Variants in SLC16A2 observed in about 807,000 individuals in gnomAD.
SLC16A2 encodes the protein monocarboxylate transporter 8.
SLC16A2 carries 3 observed loss-of-function variants against 27.2 expected under a neutral mutation model. The observed-to-expected ratio is 0.11, with a 90% CI of 0.05 to 0.28. The LOEUF is 0.28. Among genes scored for constraint, SLC16A2 ranks in the 10% least tolerant of loss-of-function variants. The pLI, the probability that SLC16A2 is intolerant of heterozygous loss-of-function variation, is 1.00. For missense variants in SLC16A2, 295 were observed against 458.5 expected (o/e 0.64, Z 3.26); for synonymous variants, 202 against 187.8 (o/e 1.08, Z -0.62).
In SLC16A2 at chrX:74,531,614, C is replaced by A; in HGVS notation, c.*61C>A. The A allele has an allele frequency of 2.1e-6, 2 of 960,510 alleles. No homozygotes were observed. Among genetic ancestry groups the A allele is most frequent in the Non-Finnish European group, 3.0e-6 (2 of 668,405 alleles). 79.2% of individuals were successfully genotyped at this position (960,510 alleles called of 1,213,427 possible). On this transcript the variant is annotated 3_prime_UTR_variant, in exon 6 of 6. Transcript: ENST00000587091. ...TTCCCCTTCATCCCACCCTGCTCAG[C>A]ATTTACATTTTTGCCACCAGCACAC... is the stretch of plus-strand genomic sequence containing the variant.
intron 1 of SLC16A2, among the ~76,000 whole-genome samples, chrX:74,440,821 T>TGC (rs1238082716): frequency 7.4e-4 from 82 of 110,602 alleles, no homozygotes; most frequent in African/African-American, 2.6e-3. Flanking sequence ...TGTGTGTGTG[T>TGC]GCACGCGCAT....
intron 1 of SLC16A2, among the ~76,000 whole-genome samples, chrX:74,454,489 AC>A (rs1929005232): frequency 9.3e-6 from 1 of 107,883 alleles, no homozygotes; most frequent in Non-Finnish European, 1.9e-5. Flanking sequence ...AAAAAACCAA[AC>A]ATGGCATGTT....
At chrX:74,436,281 T>C (rs1602106143) in intron 1 of SLC16A2, among the ~76,000 whole-genome samples, 1 of 111,878 alleles carries the variant, frequency 8.9e-6, no homozygotes, top group African/African-American at 3.3e-5. Context: ...CAGATTGTAA[T>C]ATGCTGAGTC....
chrX:74,507,063 C>T (rs141213573), intron 1 of SLC16A2, among the ~76,000 whole-genome samples: 5 of 108,543 alleles, frequency 4.6e-5, no homozygotes, highest in South Asian at 4.0e-4. Flanking sequence ...CCGCTCCCCC[C>T]CCAACCACAA....
intron 1 of SLC16A2, among the ~76,000 whole-genome samples, chrX:74,455,757 G>A (rs1390222435): frequency 2.7e-5 from 3 of 111,755 alleles, no homozygotes; most frequent in African/African-American, 9.8e-5. Context: ...GTATGTGCAG[G>A]AGTATAGTGT....
intron 1 of SLC16A2, among the ~76,000 whole-genome samples, chrX:74,435,694 T>TG (rs1327697966): frequency 7.4e-5 from 8 of 107,438 alleles, no homozygotes; most frequent in African/African-American, 1.7e-4. Context: ...TTTAAGTGTA[T>TG]GGGTAAGAAG....
At chrX:74,482,595 A>G (rs185322163) in intron 1 of SLC16A2, among the ~76,000 whole-genome samples, 46 of 111,294 alleles carry the variant, frequency 4.1e-4, no homozygotes, top group Admixed American at 2.1e-3. Flanking sequence ...TCTTCTATGA[A>G]TTTTTTTGTT....
chrX:74,421,917 C>A lies in SLC16A2; in HGVS notation c.280C>A (p.Pro94Thr). 1 of 1,211,082 alleles carries A rather than the reference C, an allele frequency of 8.3e-7. No homozygotes were observed. Among genetic ancestry groups the A allele is most frequent in the Non-Finnish European group, 1.1e-6 (1 of 895,312 alleles). Reference sequence around the variant, plus strand: ...CCGCGGCACCGCGCGCGGCTTCCAGCCTCCCGAAGGTGGCTTCGGCTGGGT... The same window carrying A: ...CCGCGGCACCGCGCGCGGCTTCCAGACTCCCGAAGGTGGCTTCGGCTGGGT... ...ETRGTARGFQPPEGGFGWVVV... is the reference protein window; with the variant it reads ...ETRGTARGFQTPEGGFGWVVV... Residue 94 changes from proline (P) to threonine (T), a missense_variant, in exon 1 of 6, where the codon CCT becomes ACT. Pro to Thr is a conservative substitution (Grantham distance 38). Transcript: ENST00000587091.
intron 1 of SLC16A2, among the ~76,000 whole-genome samples, chrX:74,434,808 CTTAG>C (rs1928592739): frequency 9.6e-6 from 1 of 104,635 alleles, no homozygotes; most frequent in Non-Finnish European, 1.9e-5. Context: ...TAGTTTACAT[CTTAG>C]TTTGTTTTTT....
At chrX:74,505,536 C>T (rs1930109320) in intron 1 of SLC16A2, among the ~76,000 whole-genome samples, 1 of 112,295 alleles carries the variant, frequency 8.9e-6, no homozygotes, top group Admixed American at 9.4e-5. Flanking sequence ...GAGGCAGGAA[C>T]ATGGCCTAAG....
At chrX:74,463,112 T>A (rs1022599780) in intron 1 of SLC16A2, among the ~76,000 whole-genome samples, 1 of 111,270 alleles carries the variant, frequency 9.0e-6, no homozygotes, top group Non-Finnish European at 1.9e-5. Context: ...CAGGGACTAC[T>A]GCAGAGGGAG....
intron 1 of SLC16A2, among the ~76,000 whole-genome samples, chrX:74,431,802 GTTA>G (rs944550650): frequency 1.8e-4 from 20 of 111,339 alleles, no homozygotes; most frequent in African/African-American, 6.5e-4. Flanking sequence ...TGAAGTGGTT[GTTA>G]TTATTATTAT....
intron 1 of SLC16A2, among the ~76,000 whole-genome samples, chrX:74,474,786 A>G (rs1172771370): frequency 2.7e-5 from 3 of 110,496 alleles, no homozygotes; most frequent in African/African-American, 6.6e-5. Flanking sequence ...AGCTTCATCC[A>G]TGTCCCTACA....
At chrX:74,446,979 A>T (rs1928848602) in intron 1 of SLC16A2, among the ~76,000 whole-genome samples, 1 of 112,330 alleles carries the variant, frequency 8.9e-6, no homozygotes, top group South Asian at 3.7e-4. Flanking sequence ...TCCTGCCTCC[A>T]GCCATGCCAG....
chrX:74,476,196 C>T (rs1402690598), intron 1 of SLC16A2, among the ~76,000 whole-genome samples: 3 of 111,929 alleles, frequency 2.7e-5, no homozygotes, highest in Non-Finnish European at 5.6e-5. Context: ...AGGTCCTTCA[C>T]ATCCCTTGTA....
At chrX:74,440,360 G>A (rs1928719390) in intron 1 of SLC16A2, among the ~76,000 whole-genome samples, 1 of 110,766 alleles carries the variant, frequency 9.0e-6, no homozygotes, top group African/African-American at 3.3e-5. Context: ...AACTATAAGG[G>A]CTCCTCACAA....
In SLC16A2 at chrX:74,520,603, G is replaced by A. The variant is rs557674045; in HGVS notation, c.431-387G>A. Among the ~76,000 whole-genome samples the A allele has an allele frequency of 3.6e-4, 40 of 111,749 alleles. No individual in the cohort carries two copies. The South Asian group carries it at 0.015, about 42-fold the overall frequency. On this transcript the variant is annotated intron_variant, in intron 1 of 5. Coordinates refer to ENST00000587091, the MANE Select transcript of SLC16A2 (RefSeq NM_006517.5). Reference sequence around the variant, plus strand: ...GTACAATTCCAGGGGGCTTTTGTCTGTGGCCTTCTCTACTCCTTAGTCTTA... The same window carrying A: ...GTACAATTCCAGGGGGCTTTTGTCTATGGCCTTCTCTACTCCTTAGTCTTA...
chrX:74,514,965 G>A (rs904999759), intron 1 of SLC16A2, among the ~76,000 whole-genome samples: 1 of 111,707 alleles, frequency 9.0e-6, no homozygotes, highest in African/African-American at 3.3e-5. Flanking sequence ...AAGATCCAGA[G>A]TCTCATATCT....
chrX:74,427,991 C>T (rs182510413), intron 1 of SLC16A2, among the ~76,000 whole-genome samples: 43 of 111,217 alleles, frequency 3.9e-4, no homozygotes, highest in Non-Finnish European at 7.4e-4. Context: ...GCTTGCTAGG[C>T]GAGAGTGATG....
Sources: allele counts gnomAD v4.1 joint callset (sites outside exome capture counted in the v4.1 genomes callset), GRCh38; gene constraint gnomAD v4.1.1; transcripts MANE v1.5; gene names NCBI Gene and HGNC (gene_info 2026-07-23, HGNC 2026-07-21).